Variants in SH2D7 observed in about 807,000 individuals in gnomAD.
The protein encoded by SH2D7 is SH2 domain containing 7, also known as SH2 domain-containing protein 7.
A neutral mutation model predicts 40.8 loss-of-function variants in SH2D7; 32 were observed. The ratio of observed to expected loss-of-function variants is 0.78; its 90% CI spans 0.59 to 1.05. The LOEUF (loss-of-function observed/expected upper bound fraction) is 1.05. Ranked by LOEUF, SH2D7 falls within the 50% of genes least tolerant of loss-of-function variation. SH2D7 has a pLI of 0.00. For synonymous variants in SH2D7, 195 were observed against 221.5 expected, an observed-to-expected ratio of 0.88 and a Z score of 1.06; for missense variants, 559 against 566.6, an observed-to-expected ratio of 0.99 and a Z score of 0.14.
rs2074033680 is a variant in SH2D7 at position 78,104,034 on chromosome 15, C to T, written c.*519C>T. 1 of 152,936 alleles carries T rather than the reference C, an allele frequency of 6.5e-6. No homozygotes were observed. The highest frequency in any genetic ancestry group is 2.4e-5 in the African/African-American group (1 of 41,452). The allele number at this position is 152,936 out of a possible 1,614,324, so 9.5% of individuals were successfully genotyped here. ...AAGCCACATCCTCTGCTTCAGGCCT[C>T]TTCGCTCCAGCTGTACCCTCAGGTC... On this transcript the variant is annotated 3_prime_UTR_variant, in exon 6 of 6. Transcript: ENST00000328828. This position sits in a 1 kb window ranked among gnomAD's most constrained non-coding sequence, Gnocchi z 4.4.
rs947298860 is a variant in SH2D7, at chr15:78,101,138, G to A, written c.885G>A (p.Leu295=). Residue 295 remains leucine, a synonymous_variant, in exon 5 of 6, where the codon CTG becomes CTA. Coordinates refer to ENST00000328828, the MANE Select transcript of SH2D7 (RefSeq NM_001101404.2). ...SDGEQNRPDG[L]GPVLSGVSPD... ...GAGAACAGAACAGGCCTGATGGCCT[G>A]GGGCCTGTCCTTTCTGGGGTGAGCC... 1.3e-6 allele frequency: 2 copies of A among 1,559,778 alleles called. No homozygotes were observed. Among genetic ancestry groups the A allele is most frequent in the African/African-American group, 2.7e-5 (2 of 72,802 alleles).
upstream of SH2D7, chr15:78,092,498 C>T (rs1193725894): frequency 1.6e-5 from 23 of 1,415,192 alleles, no homozygotes; most frequent in Non-Finnish European, 1.9e-5. Flanking sequence ...GGGTAGGGCA[C>T]GGGCTCAGGC....
intron 2 of SH2D7, among the ~76,000 whole-genome samples, chr15:78,096,739 G>T (rs1024056764): frequency 6.6e-6 from 1 of 151,682 alleles, no homozygotes; most frequent in Non-Finnish European, 1.5e-5. Flanking sequence ...GACCTCAAGT[G>T]ATTTGCCTGC....
At chr15:78,095,860 G>T (rs2073968369) in intron 2 of SH2D7, among the ~76,000 whole-genome samples, 1 of 151,442 alleles carries the variant, frequency 6.6e-6, no homozygotes, top group Admixed American at 6.6e-5. Context: ...TTTATTTTTT[G>T]GAGACAGAGT....
rs2141872009 is a variant in SH2D7, at chr15:78,098,016, C to T, written c.354C>T (p.Thr118=). ...CAGGAGACACCCAGAGCCACAGCAC[C>T]CTGGCTGAGCTTGTGCACCATTACC... ...IISGDTQSHS[T]LAELVHHYQE... Residue 118 remains threonine, a synonymous_variant, in exon 3 of 6, where the codon ACC becomes ACT. Transcript: ENST00000328828. The T allele has an allele frequency of 1.2e-6, 2 of 1,614,008 alleles. No individual in the cohort carries two copies. The highest frequency in any genetic ancestry group is 1.7e-6 in the Non-Finnish European group (2 of 1,179,888).
At chr15:78,101,928 C>T (rs2074020287) in intron 5 of SH2D7, among the ~76,000 whole-genome samples, 1 of 152,294 alleles carries the variant, frequency 6.6e-6, no homozygotes, top group East Asian at 1.9e-4. Context: ...TCCAGGACAA[C>T]CAGTTAAACC....
intron 2 of SH2D7, 132 bp downstream of exon 2, chr15:78,094,333 C>G (rs1488862974): frequency 1.3e-6 from 1 of 749,592 alleles, no homozygotes; most frequent in Non-Finnish European, 2.2e-6. Context: ...CCTCAATCAT[C>G]CATCACATGC....
At chr15:78,094,273 C>G (rs1376169850) in intron 2 of SH2D7, 72 bp downstream of exon 2, 5 of 1,436,032 alleles carry the variant, frequency 3.5e-6, no homozygotes, top group Non-Finnish European at 4.8e-6. Flanking sequence ...AGTGCAGAGG[C>G]CCCACTGGCC....
chr15:78,101,105 C>G lies in SH2D7; in HGVS notation c.852C>G (p.Leu284=). 6.3e-7 allele frequency: 1 copy of G among 1,575,030 alleles called. No individual in the cohort carries two copies. Among genetic ancestry groups the G allele is most frequent in the Non-Finnish European group, 8.6e-7 (1 of 1,164,290 alleles). ...CAGGCAGGGAGGCCCAAAGGAGACTCTCAGATGGAGAACAGAACAGGCCTG... is the reference window on the plus strand; with the variant it reads ...CAGGCAGGGAGGCCCAAAGGAGACTGTCAGATGGAGAACAGAACAGGCCTG... ...YSPGREAQRR[L]SDGEQNRPDG... is the part of the protein sequence containing the mutation. The change falls in exon 5 of 6, where the codon CTC becomes CTG. Residue 284 remains leucine, a synonymous_variant. Coordinates refer to ENST00000328828, the MANE Select transcript of SH2D7 (RefSeq NM_001101404.2).
rs1255500294 is a variant in SH2D7, at chr15:78,100,946, G to A, written c.693G>A (p.Leu231=). 1 of 1,613,792 alleles carries A rather than the reference G, an allele frequency of 6.2e-7. No homozygotes were observed. Among genetic ancestry groups the A allele is most frequent in the African/African-American group, 1.3e-5 (1 of 74,928 alleles). Residue 231 remains leucine, a synonymous_variant, in exon 5 of 6, where the codon CTG becomes CTA. Coordinates refer to ENST00000328828, the MANE Select transcript of SH2D7 (RefSeq NM_001101404.2). The stretch of plus-strand genomic sequence containing the variant: ...TCCCTGAGAAGAGTTCCTCCCTCCT[G>A]GAAGAGTCTTTTGGAGGCCCCAGTG... ...SPLPEKSSSL[L]EESFGGPSDI...
chr15:78,101,661 A>G lies in SH2D7; in HGVS notation c.1305+103A>G. The G allele has an allele frequency of 3.0e-6, 4 of 1,324,254 alleles. No homozygotes were observed. In the South Asian group the frequency reaches 6.2e-5, roughly 20 times the overall value. The allele number at this position is 1,324,254 out of a possible 1,614,324, so 82.0% of individuals were successfully genotyped here. A position where few individuals can be genotyped will look rare whatever the true frequency, so the allele number is the denominator to read the frequency against. ...GGCATAGGCAGGTCAGGTCACCGCC[A>G]CTGCCTGGAAGTACACAGAATTTTC... On this transcript the variant is annotated intron_variant, in intron 5 of 5. Coordinates refer to ENST00000328828, the MANE Select transcript of SH2D7 (RefSeq NM_001101404.2).
chr15:78,102,854 C>T (rs62009271), intron 5 of SH2D7, among the ~76,000 whole-genome samples: 31,951 of 152,062 alleles, frequency 0.21, 3,861 homozygotes, highest in Middle Eastern at 0.28. Flanking sequence ...TCCCCATGGG[C>T]AAGTCCTCTG....
rs1029689806 is a variant in SH2D7 at position 78,100,866 on chromosome 15, C to T, written c.646-33C>T. On this transcript the variant is annotated intron_variant, in intron 4 of 5. Coordinates refer to ENST00000328828, the MANE Select transcript of SH2D7 (RefSeq NM_001101404.2). Reference sequence around the variant, plus strand: ...GGAGGGCATCTTAGTGATGGGCTGCCCCTTAAGAGTTTCTCTGTCCCTGTC... The same window carrying T: ...GGAGGGCATCTTAGTGATGGGCTGCTCCTTAAGAGTTTCTCTGTCCCTGTC... 6.2e-6 allele frequency: 10 copies of T among 1,600,848 alleles called. No homozygotes were observed. The Admixed American group carries it at 8.7e-5, about 14-fold the overall frequency.
At chr15:78,093,462 G>C (rs2073951615) in intron 1 of SH2D7, among the ~76,000 whole-genome samples, 1 of 152,240 alleles carries the variant, frequency 6.6e-6, no homozygotes, top group African/African-American at 2.4e-5. Flanking sequence ...CGTAGAACAG[G>C]CGCTCGGTAT....
At position 78,103,631 on chromosome 15, in the gene SH2D7, G is replaced by A; in HGVS notation, c.*116G>A. 3 of 1,284,646 alleles carry A rather than the reference G, an allele frequency of 2.3e-6. No individual in the cohort carries two copies. In the African/African-American group the frequency reaches 4.4e-5, roughly 19 times the overall value. The allele number at this position is 1,284,646 out of a possible 1,614,324, so 79.6% of individuals were successfully genotyped here. On this transcript the variant is annotated 3_prime_UTR_variant, in exon 6 of 6. Transcript: ENST00000328828. ...CCCTTTGGATCTTGAGACTCATCCA[G>A]CCTGCTACAGAACTAGGCTCCGAGA...
chr15:78,102,813 T>C (rs980803723), intron 5 of SH2D7, among the ~76,000 whole-genome samples: 2 of 152,094 alleles, frequency 1.3e-5, no homozygotes, highest in African/African-American at 4.8e-5. Context: ...ACTCTGCCTA[T>C]ACCCAGAGAC....
intron 2 of SH2D7, 112 bp downstream of exon 2, chr15:78,094,313 C>A: frequency 1.1e-6 from 1 of 900,134 alleles, no homozygotes; most frequent in South Asian, 1.6e-5. Flanking sequence ...TGGGTCCTGA[C>A]TCCTGAATCC....
Position 78,092,590 on chromosome 15 carries a change from G to A in SH2D7, c.6G>A (p.Glu2=). The change falls in exon 1 of 6, where the codon GAG becomes GAA. Residue 2 remains glutamate (E), a synonymous_variant. Coordinates refer to ENST00000328828, the MANE Select transcript of SH2D7 (RefSeq NM_001101404.2). M[E]DSLKQLSLGR... is the part of the protein sequence containing the mutation. ...CCACTCTGGTGCCTGCCAGCATGGA[G>A]GACAGCCTAAAGCAGCTCAGCCTGG... The A allele has an allele frequency of 6.5e-7, 1 of 1,548,712 alleles. No individual in the cohort carries two copies. The highest frequency in any genetic ancestry group is 8.7e-7 in the Non-Finnish European group (1 of 1,145,280).
chr15:78,100,547 A>C (rs1476389836), intron 4 of SH2D7, among the ~76,000 whole-genome samples: 1 of 152,106 alleles, frequency 6.6e-6, no homozygotes, highest in Non-Finnish European at 1.5e-5. Flanking sequence ...AAATACAAAA[A>C]TTACCTGGGC....
Sources: allele counts gnomAD v4.1 joint callset (sites outside exome capture counted in the v4.1 genomes callset), GRCh38; gene constraint gnomAD v4.1.1; non-coding constraint Gnocchi (gnomAD v3.1); transcripts MANE v1.5; gene names NCBI Gene and HGNC (gene_info 2026-07-23, HGNC 2026-07-21).